Variants in EVI5L observed in about 807,000 individuals in gnomAD.
EVI5L encodes the protein EVI5-like protein.
Under a neutral mutation model 106.1 loss-of-function variants are expected in EVI5L, and 30 were observed. That is an observed-to-expected ratio of 0.28 (90% CI 0.21 to 0.38). The LOEUF (loss-of-function observed/expected upper bound fraction) is 0.38. Ranked by LOEUF, EVI5L falls within the 10% of genes least tolerant of loss-of-function variation. The pLI is 1.00. For synonymous variants in EVI5L, 489 were observed against 483.3 expected, an observed-to-expected ratio of 1.01 and a Z score of -0.15; for missense variants, 809 against 1,098.0, an observed-to-expected ratio of 0.74 and a Z score of 3.72.
intron 1 of EVI5L, among the ~76,000 whole-genome samples, chr19:7,841,532 C>T (rs915521099): frequency 3.3e-5 from 5 of 152,212 alleles, no homozygotes; most frequent in African/African-American, 1.2e-4. Context: ...CCCCCACAAC[C>T]CCCAAACACA....
intron 17 of EVI5L, 60 bp downstream of exon 17, chr19:7,862,594 GAGGC>G (rs1979872695): frequency 7.7e-7 from 1 of 1,298,346 alleles, no homozygotes; most frequent in African/African-American, 1.7e-5. Context: ...GCCCCTACAT[GAGGC>G]CCCGCCCCCA....
rs552268981 is a variant in EVI5L, at chr19:7,848,418, G to A, written c.327+497G>A. Among the ~76,000 whole-genome samples, 315 of 152,252 alleles carry A rather than the reference G, an allele frequency of 2.1e-3. No individual in the cohort carries two copies. Among genetic ancestry groups the A allele is most frequent in the African/African-American group, 7.3e-3 (305 of 41,544 alleles). On this transcript the variant is annotated intron_variant, in intron 3 of 19. Coordinates refer to ENST00000538904, the MANE Select transcript of EVI5L (RefSeq NM_001159944.3). This position sits in a 1 kb window ranked among gnomAD's most constrained non-coding sequence, Gnocchi z 4.8. ...TCAAGACCAGCCTGGCCAACATGGC[G>A]AAACTCCGACTCTACTAAAAATACA... is the stretch of plus-strand genomic sequence containing the variant.
In EVI5L at chr19:7,858,312, G is replaced by C. The variant is rs1256893246; in HGVS notation, c.1355G>C (p.Arg452Pro). 3 of 1,547,712 alleles carry C rather than the reference G, an allele frequency of 1.9e-6. No individual in the cohort carries two copies. The highest frequency in any genetic ancestry group is 2.7e-5 in the African/African-American group (2 of 73,014). The change falls in exon 13 of 20, where the codon CGG becomes CCG. Residue 452 changes from arginine (R) to proline (P), a missense_variant. Transcript: ENST00000538904. The surrounding 1 kb of genome is among the most constrained non-coding windows in gnomAD (Gnocchi z 5.7). ...CTGCAGAAGGCACAGAGCACCATCC[G>C]GCAGCTACAGGAGCAGCAGGTAGGG... ...EDLQKAQSTI[R>P]QLQEQQENPR...
intron 8 of EVI5L, 32 bp downstream of exon 8, chr19:7,851,802 GC>G: frequency 3.4e-6 from 5 of 1,477,756 alleles, no homozygotes; most frequent in East Asian, 2.5e-5. Flanking sequence ...CGGTGGGGCT[GC>G]CCCCAATCAG....
chr19:7,861,999 A>C lies in EVI5L; in HGVS notation c.1625A>C (p.Glu542Ala). The C allele has an allele frequency of 6.5e-7, 1 of 1,548,078 alleles. No individual in the cohort carries two copies. The highest frequency in any genetic ancestry group is 8.7e-7 in the Non-Finnish European group (1 of 1,146,016). Residue 542 changes from glutamate (E) to alanine (A), a missense_variant, in exon 15 of 20, where the codon GAG becomes GCG. Physicochemically the swap from Glu to Ala is moderately radical, Grantham distance 107. Coordinates refer to ENST00000538904, the MANE Select transcript of EVI5L (RefSeq NM_001159944.3). ...STRELKLQLQ[E>A]LSDTWQAHLA... ...CGAGAGCTTAAACTGCAGCTGCAGG[A>C]GCTCTCGGACACCTGGCAGGTGAGG...
intron 1 of EVI5L, among the ~76,000 whole-genome samples, chr19:7,838,662 T>A (rs1978456121): frequency 6.6e-6 from 1 of 152,056 alleles, no homozygotes; most frequent in Non-Finnish European, 1.5e-5. Context: ...GAAGAGAGGC[T>A]CTTGTCCTCA....
rs754677263 is a variant in EVI5L at position 7,861,971 on chromosome 19, A to G, written c.1597A>G (p.Thr533Ala). The change falls in exon 15 of 20, where the codon ACG becomes GCG. Residue 533 changes from threonine to alanine, a missense_variant. Coordinates refer to ENST00000538904, the MANE Select transcript of EVI5L (RefSeq NM_001159944.3). ...GCGGGAAGGCCAGGCGGTGGCCTCG[A>G]CGCGAGAGCTTAAACTGCAGCTGCA... ...KVREGQAVASTRELKLQLQEL... is the reference protein window; with the variant it reads ...KVREGQAVASARELKLQLQEL... The G allele has an allele frequency of 6.5e-7, 1 of 1,549,730 alleles. No homozygotes were observed. Among genetic ancestry groups the G allele is most frequent in the Admixed American group, 2.0e-5 (1 of 50,988 alleles).
intron 6 of EVI5L, 55 bp from the exon 7 acceptor site, chr19:7,851,379 C>A: frequency 1.9e-6 from 3 of 1,574,760 alleles, no homozygotes; most frequent in East Asian, 2.3e-5. Flanking sequence ...GCCCAGCACC[C>A]CCCGGTGGGA....
Position 7,848,945 on chromosome 19 carries a change from C to A in EVI5L, c.352C>A (p.His118Asn), listed in dbSNP as rs760868017. Residue 118 changes from histidine (H) to asparagine (N), a missense_variant, in exon 4 of 20, where the codon CAC (histidine) becomes AAC (asparagine). Physicochemically the swap from His to Asn is moderately conservative, Grantham distance 68 (BLOSUM62 1). Transcript: ENST00000538904. The surrounding 1 kb of genome is among the most constrained non-coding windows in gnomAD (Gnocchi z 4.8). ...GGAGCTGATCCGCAAGGGCATCCCC[C>A]ACCACTTCCGGGCCATCGTGTGGCA... ...LKELIRKGIP[H>N]HFRAIVWQLL... 6.2e-7 allele frequency: 1 copy of A among 1,611,960 alleles called. No homozygotes were observed. Among genetic ancestry groups the A allele is most frequent in the East Asian group, 2.2e-5 (1 of 44,800 alleles).
At chr19:7,849,456 C>A (rs912343405) in intron 5 of EVI5L, 126 bp downstream of exon 5, 7 of 1,017,898 alleles carry the variant, frequency 6.9e-6, no homozygotes, top group Non-Finnish European at 1.0e-5. Context: ...TCCTCCTTCT[C>A]CATCCACACC....
chr19:7,844,119 G>A (rs575536766), intron 1 of EVI5L, among the ~76,000 whole-genome samples: 27 of 151,868 alleles, frequency 1.8e-4, no homozygotes, highest in Middle Eastern at 3.4e-3. Context: ...TTGGGAGGCC[G>A]AGGCAGATGG....
chr19:7,853,102 T>C lies in EVI5L; in HGVS notation c.1004T>C (p.Ile335Thr). The change falls in exon 9 of 20, where the codon ATC becomes ACC. Residue 335 changes from isoleucine to threonine, a missense_variant. By Grantham distance (89) the Ile-to-Thr change is moderately conservative. Coordinates refer to ENST00000538904, the MANE Select transcript of EVI5L (RefSeq NM_001159944.3). Reference protein sequence around the residue: ...EGMSQYFQRVIPHQFDSCPDK... With the variant: ...EGMSQYFQRVTPHQFDSCPDK... The stretch of plus-strand genomic sequence containing the variant: ...TCCCCACAGTACTTCCAGAGAGTGA[T>C]CCCCCACCAGTTCGACAGCTGCCCG... The C allele has an allele frequency of 6.2e-7, 1 of 1,613,638 alleles. No individual in the cohort carries two copies. The highest frequency in any genetic ancestry group is 8.5e-7 in the Non-Finnish European group (1 of 1,180,000).
chr19:7,831,375 C>T (rs1978292928), intron 1 of EVI5L, among the ~76,000 whole-genome samples: 1 of 151,938 alleles, frequency 6.6e-6, no homozygotes, highest in African/African-American at 2.4e-5. Context: ...TTCTGCACCC[C>T]TCCTCAGATC....
At chr19:7,832,638 C>G (rs1263296091) in intron 1 of EVI5L, among the ~76,000 whole-genome samples, 1 of 152,096 alleles carries the variant, frequency 6.6e-6, no homozygotes, top group Non-Finnish European at 1.5e-5. Flanking sequence ...TCACTGGCCA[C>G]CCAGGTCCCT....
chr19:7,836,492 G>T (rs1568231833), intron 1 of EVI5L, among the ~76,000 whole-genome samples: 1 of 152,156 alleles, frequency 6.6e-6, no homozygotes, highest in Non-Finnish European at 1.5e-5. Context: ...TGGATTTAGG[G>T]CAAAGGCTAT....
intron 1 of EVI5L, among the ~76,000 whole-genome samples, chr19:7,833,108 C>G (rs929561264): frequency 1.3e-5 from 2 of 152,202 alleles, no homozygotes; most frequent in African/African-American, 4.8e-5. Flanking sequence ...GTGATACGAA[C>G]GCAGTTTTAC....
At chr19:7,852,844 C>T (rs1051371636) in intron 8 of EVI5L, 7 of 525,034 alleles carry the variant, frequency 1.3e-5, no homozygotes, top group Non-Finnish European at 2.4e-5. Flanking sequence ...TGAGCCACCA[C>T]ATCCAGCATC....
intron 1 of EVI5L, among the ~76,000 whole-genome samples, chr19:7,833,546 G>A (rs1978304576): frequency 6.6e-6 from 1 of 152,236 alleles, no homozygotes; most frequent in South Asian, 2.1e-4. Context: ...GGGTGTTGGG[G>A]AAGGCACAGC....
intron 1 of EVI5L, among the ~76,000 whole-genome samples, chr19:7,841,344 C>T (rs1978593567): frequency 6.6e-6 from 1 of 151,972 alleles, no homozygotes; most frequent in Non-Finnish European, 1.5e-5. Flanking sequence ...AGAGATGCCA[C>T]GTGGGAGAAT....
Sources: allele counts gnomAD v4.1 joint callset (sites outside exome capture counted in the v4.1 genomes callset), GRCh38; gene constraint gnomAD v4.1.1; non-coding constraint Gnocchi (gnomAD v3.1); transcripts MANE v1.5; gene names NCBI Gene and HGNC (gene_info 2026-07-23, HGNC 2026-07-21).